ACOX2: variants seen among roughly 807,000 people sequenced by gnomAD.
ACOX2 encodes peroxisomal acyl-coenzyme A oxidase 2.
ACOX2 carries 59 observed loss-of-function variants against 77.5 expected under a neutral mutation model. That is an observed-to-expected ratio of 0.76 (90% CI 0.62 to 0.95). ACOX2 has a LOEUF of 0.95. Ranked by LOEUF, ACOX2 falls within the 40% of genes least tolerant of loss-of-function variation. The pLI is 0.00. For synonymous variants in ACOX2, 317 were observed against 340.1 expected (o/e 0.93, Z 0.75); for missense variants, 837 against 880.4 (o/e 0.95, Z 0.62).
At chr3:58,520,751 G>C (rs1225756659) in intron 12 of ACOX2, among the ~76,000 whole-genome samples, 1 of 152,168 alleles carries the variant, frequency 6.6e-6, no homozygotes, top group African/African-American at 2.4e-5. Flanking sequence ...ACTCAGCTGG[G>C]GCACCACCTC....
At position 58,518,602 on chromosome 3, in the gene ACOX2, G is replaced by A. The variant is rs547980646; in HGVS notation, c.1633-1179C>T. 2.0e-4 allele frequency among the ~76,000 whole-genome samples: 30 copies of A among 152,324 alleles called. 2 individuals carry two copies. The highest frequency in any genetic ancestry group is 1.8e-3 in the Admixed American group (27 of 15,290). ...GGATATATGAGTTCTATAAGGGAGA[G>A]CAAGGAAGAGAGAAAGTATAAAGCA... On this transcript the variant is annotated intron_variant, in intron 12 of 14. Transcript: ENST00000302819.
Position 58,522,348 on chromosome 3 carries a change from C to A in ACOX2, c.1632+148G>T. On this transcript the variant is annotated intron_variant, in intron 12 of 14. Transcript: ENST00000302819. The surrounding 1 kb of genome is among the most constrained non-coding windows in gnomAD (Gnocchi z 4.3). ...GGAGTTAAGTCCTTTAATTAAAATA[C>A]CCTGGACTAAAGCCTTGGAAGTGAA... 1.4e-6 allele frequency: 1 copy of A among 698,058 alleles called. No homozygotes were observed. Among genetic ancestry groups the A allele is most frequent in the Non-Finnish European group, 2.4e-6 (1 of 413,370 alleles). The allele number at this position is 698,058 out of a possible 1,614,324, so 43.2% of individuals were successfully genotyped here. A position where few individuals can be genotyped will look rare whatever the true frequency, so the allele number is the denominator to read the frequency against.
rs980712508 is a variant in ACOX2 at position 58,526,390 on chromosome 3, C to T, written c.1346+76G>A. The T allele has an allele frequency of 2.1e-5, 31 of 1,473,672 alleles. No homozygotes were observed. The Admixed American group carries it at 3.3e-4, about 16-fold the overall frequency. The allele number at this position is 1,473,672 out of a possible 1,614,324, so 91.3% of individuals were successfully genotyped here. On this transcript the variant is annotated intron_variant, in intron 10 of 14. Coordinates refer to ENST00000302819, the MANE Select transcript of ACOX2 (RefSeq NM_003500.4). This position sits in a 1 kb window ranked among gnomAD's most constrained non-coding sequence, Gnocchi z 4.3. The stretch of plus-strand genomic sequence containing the variant: ...GCCTGCTCTTTTTATGGGCCTCAGA[C>T]GGAACCCTCCACCCAACAGAAGCTT...
Position 58,517,205 on chromosome 3 carries a change from C to G in ACOX2, c.1850+1G>C, listed in dbSNP as rs751387993. On this transcript the variant is annotated splice_donor_variant, in intron 13 of 14. Coordinates refer to ENST00000302819, the MANE Select transcript of ACOX2 (RefSeq NM_003500.4). LOFTEE classifies it high-confidence loss of function. ...CATGGTTTGAAGTCTCTGCCACTCACCGGATCAGGCGGAGCAGGTCCAGGT... is the reference window on the plus strand; with the variant it reads ...CATGGTTTGAAGTCTCTGCCACTCAGCGGATCAGGCGGAGCAGGTCCAGGT... 3.1e-6 allele frequency: 5 copies of G among 1,613,654 alleles called. No individual in the cohort carries two copies. The highest frequency in any genetic ancestry group is 4.2e-6 in the Non-Finnish European group (5 of 1,179,912).
In ACOX2 at chr3:58,522,402, T is replaced by G; in HGVS notation, c.1632+94A>C. ...AGGGCAGCCGCCACTGAAGCAGAGT[T>G]GGGGAATAATGGCAGAGCCCGGATT... is the stretch of plus-strand genomic sequence containing the variant. On this transcript the variant is annotated intron_variant, in intron 12 of 14. Transcript: ENST00000302819. This position sits in a 1 kb window ranked among gnomAD's most constrained non-coding sequence, Gnocchi z 4.3. 1 of 1,211,950 alleles carries G rather than the reference T, an allele frequency of 8.3e-7. No homozygotes were observed. Among genetic ancestry groups the G allele is most frequent in the Non-Finnish European group, 1.2e-6 (1 of 830,760 alleles). The allele number at this position is 1,211,950 out of a possible 1,614,324, so 75.1% of individuals were successfully genotyped here.
chr3:58,535,236 C>A lies in ACOX2; in HGVS notation c.-91-39G>T. 8.3e-7 allele frequency: 1 copy of A among 1,205,732 alleles called. No individual in the cohort carries two copies. The highest frequency in any genetic ancestry group is 1.2e-6 in the Non-Finnish European group (1 of 839,644). 74.7% of individuals were successfully genotyped at this position (1,205,732 alleles called of 1,614,324 possible). On this transcript the variant is annotated intron_variant, in intron 1 of 14. Coordinates refer to ENST00000302819, the MANE Select transcript of ACOX2 (RefSeq NM_003500.4). This position sits in a 1 kb window ranked among gnomAD's most constrained non-coding sequence, Gnocchi z 4.8. ...GAACTGCCTAGGGCTGGGTGTCAGC[C>A]AGGGCTGGTTGGTAGAAGAAAGACA...
chr3:58,517,615 G>GTC (rs1479726026), intron 12 of ACOX2, among the ~76,000 whole-genome samples, 192 bp from the exon 13 acceptor site: 9 of 143,632 alleles, frequency 6.3e-5, no homozygotes, highest in Non-Finnish European at 1.4e-4. Flanking sequence ...GTGTGTGTTG[G>GTC]GGGGGGGAGC....
chr3:58,527,162 G>A (rs1458338623), intron 9 of ACOX2, among the ~76,000 whole-genome samples: 1 of 152,074 alleles, frequency 6.6e-6, no homozygotes, highest in Non-Finnish European at 1.5e-5. Context: ...GTATTATGAT[G>A]GTAGTAGGAG....
chr3:58,531,700 T>G lies in ACOX2; in HGVS notation c.696A>C (p.Pro232=). The G allele has an allele frequency of 6.2e-7, 1 of 1,613,934 alleles. No individual in the cohort carries two copies. The highest frequency in any genetic ancestry group is 1.1e-5 in the South Asian group (1 of 91,052). ...GGAGCATTATGGGCTTACCTGGCAG[T>G]GGGGTGTGGTCCTGAAGACTCCGGA... The part of the protein sequence containing the change: ...VPIRSLQDHT[P]LPGIIIGDIG... Residue 232 remains proline, a synonymous_variant, in exon 6 of 15, where the codon CCA becomes CCC. Coordinates refer to ENST00000302819, the MANE Select transcript of ACOX2 (RefSeq NM_003500.4). The surrounding 1 kb of genome is among the most constrained non-coding windows in gnomAD (Gnocchi z 5.8).
At position 58,514,644 on chromosome 3, in the gene ACOX2, T is replaced by C. The variant is rs959998429; in HGVS notation, c.1850+2562A>G. Among the ~76,000 whole-genome samples the C allele has an allele frequency of 2.0e-5, 3 of 152,204 alleles. No individual in the cohort carries two copies. The highest frequency in any genetic ancestry group is 4.4e-5 in the Non-Finnish European group (3 of 68,038). On this transcript the variant is annotated intron_variant, in intron 13 of 14. Transcript: ENST00000302819. The surrounding 1 kb of genome is among the most constrained non-coding windows in gnomAD (Gnocchi z 4.3). ...ACTTAGGAACCATCATGGAAGTAAA[T>C]CAATTTCTGGGTTTGACGCATGAGT...
rs757908593 is a variant in ACOX2 at position 58,517,279 on chromosome 3, GGA to G, written c.1775_1776del (p.Leu592ProfsTer2). On this transcript the variant is annotated frameshift_variant, in exon 13 of 15. Coordinates refer to ENST00000302819, the MANE Select transcript of ACOX2 (RefSeq NM_003500.4). LOFTEE classifies it high-confidence loss of function. ...HGILTNSGDF[L>X]HDAFLSGAQV... ...TGGGCACCAGACAGGAAGGCGTCATGGAGAAAGTCACCCGAGTTAGTCAAGAT... is the reference window on the plus strand; with the variant it reads ...TGGGCACCAGACAGGAAGGCGTCATGGAAAGTCACCCGAGTTAGTCAAGAT... 1 of 1,614,198 alleles carries G rather than the reference GGA, an allele frequency of 6.2e-7. No homozygotes were observed. The highest frequency in any genetic ancestry group is 1.1e-5 in the South Asian group (1 of 91,076).
intron 9 of ACOX2, among the ~76,000 whole-genome samples, chr3:58,527,696 CT>C (rs1164233101): frequency 1.3e-5 from 2 of 152,110 alleles, no homozygotes; most frequent in Admixed American, 6.5e-5. Context: ...GTTTGTTTTT[CT>C]TTTTTGAGAC....
Position 58,523,655 on chromosome 3 carries a change from C to T in ACOX2, c.1526+771G>A, listed in dbSNP as rs2063374823. Among the ~76,000 whole-genome samples the T allele has an allele frequency of 6.6e-6, 1 of 151,814 alleles. No homozygotes were observed. The highest frequency in any genetic ancestry group is 1.5e-5 in the Non-Finnish European group (1 of 67,970). ...GTAGAGGTGGGGTTTCACCATGTTG[C>T]CGAAGCTGGTCTCAAACTCCTGAGC... On this transcript the variant is annotated intron_variant, in intron 11 of 14. Transcript: ENST00000302819. This position sits in a 1 kb window ranked among gnomAD's most constrained non-coding sequence, Gnocchi z 5.3.
In ACOX2 at chr3:58,514,074, A is replaced by G. The variant is rs938545723; in HGVS notation, c.1850+3132T>C. 2.6e-5 allele frequency among the ~76,000 whole-genome samples: 4 copies of G among 152,160 alleles called. No homozygotes were observed. The highest frequency in any genetic ancestry group is 6.6e-5 in the Admixed American group (1 of 15,264). On this transcript the variant is annotated intron_variant, in intron 13 of 14. Transcript: ENST00000302819. The surrounding 1 kb of genome is among the most constrained non-coding windows in gnomAD (Gnocchi z 4.3). ...CTGAAGGGTAGCCTTATTATCAACT[A>G]TACCTGATGCTCCCTAGTCCACAGA...
chr3:58,508,772 C>T (rs555286498), intron 14 of ACOX2, 121 bp downstream of exon 14: 15 of 1,287,650 alleles, frequency 1.2e-5, no homozygotes, highest in African/African-American at 1.5e-5. Context: ...TTTAAACAGA[C>T]GTGCTACGCC....
chr3:58,506,318 G>A (rs1446821955), intron 14 of ACOX2, among the ~76,000 whole-genome samples: 1 of 152,158 alleles, frequency 6.6e-6, no homozygotes, highest in African/African-American at 2.4e-5. Context: ...AACCAAGAAA[G>A]CACATCATCC....
rs1181477921 is a variant in ACOX2, at chr3:58,508,949, C to T, written c.1927G>A (p.Gly643Arg). Residue 643 changes from glycine (G) to arginine (R), a missense_variant, in exon 14 of 15, where the codon GGA becomes AGA. Transcript: ENST00000302819. ...TGGAACAGGCGTTCGTAGACGTTTC[C>T]ATCATAACAGCCAAGTGCTGAATTT... ...CLNSALGCYD[G>R]NVYERLFQWA... 4 of 1,614,176 alleles carry T rather than the reference C, an allele frequency of 2.5e-6. No homozygotes were observed. Among genetic ancestry groups the T allele is most frequent in the Non-Finnish European group, 3.4e-6 (4 of 1,180,022 alleles).
At chr3:58,530,330 TTGTG>T (rs1298271660) in intron 8 of ACOX2, 132 bp downstream of exon 8, 1 of 1,267,730 alleles carries the variant, frequency 7.9e-7, no homozygotes, top group African/African-American at 1.5e-5. Flanking sequence ...GATTTTGTGT[TTGTG>T]TGTGTGTATG....
At chr3:58,530,675 A>C (rs1397173861) in intron 7 of ACOX2, 37 bp from the exon 8 acceptor site, 5 of 1,593,224 alleles carry the variant, frequency 3.1e-6, no homozygotes, top group Non-Finnish European at 4.3e-6. Flanking sequence ...TTCTGGGCCA[A>C]GGCTTCCCAG....
Sources: gnomAD v4.1 joint callset for allele counts (sites outside exome capture counted in the v4.1 genomes callset) on GRCh38, gnomAD v4.1.1 for gene constraint, Gnocchi (gnomAD v3.1) non-coding constraint, MANE v1.5 for transcripts, NCBI Gene and HGNC (gene_info 2026-07-23, HGNC 2026-07-21) for gene names.